Variants in PER2 observed in about 807,000 individuals in gnomAD.
PER2 encodes the protein period circadian regulator 2.
Under a neutral mutation model 121.0 loss-of-function variants are expected in PER2, and 66 were observed. The observed-to-expected ratio is 0.55, with a 90% CI of 0.45 to 0.67. The LOEUF (loss-of-function observed/expected upper bound fraction) is 0.67. PER2 is among the 30% of genes least tolerant of loss of function. PER2 has a pLI of 0.00. For missense variants in PER2, 1,521 were observed against 1,635.0 expected, an observed-to-expected ratio of 0.93 and a Z score of 1.20; for synonymous variants, 684 against 659.9, an observed-to-expected ratio of 1.04 and a Z score of -0.56.
At chr2:238,271,240 T>A (rs917846697) in intron 6 of PER2, 72 bp downstream of exon 6, 5 of 1,373,374 alleles carry the variant, frequency 3.6e-6, no homozygotes, top group Non-Finnish European at 5.2e-6. Context: ...CTGCACCACA[T>A]CTGGGTTGGG....
At chr2:238,271,244 G>T (rs1696273545) in intron 6 of PER2, 68 bp downstream of exon 6, 3 of 1,406,352 alleles carry the variant, frequency 2.1e-6, no homozygotes, top group South Asian at 1.2e-5. Context: ...ACCACATCTG[G>T]GTTGGGCCCA....
chr2:238,259,901 A>C, intron 14 of PER2, 68 bp downstream of exon 14: 19 of 749,672 alleles, frequency 2.5e-5, no homozygotes, highest in Non-Finnish European at 4.5e-5. Context: ...CATTTAACCC[A>C]GGTTCCCTCT....
intron 4 of PER2, among the ~76,000 whole-genome samples, 193 bp downstream of exon 4, chr2:238,275,550 G>T (rs1274534220): frequency 6.6e-6 from 1 of 152,194 alleles, no homozygotes; most frequent in Non-Finnish European, 1.5e-5. Flanking sequence ...TTAGCTGGGC[G>T]TGGTGGTACA....
chr2:238,291,803 C>T (rs538066565), upstream of PER2, among the ~76,000 whole-genome samples: 20 of 152,320 alleles, frequency 1.3e-4, no homozygotes, highest in African/African-American at 4.6e-4. Context: ...GCACCTGTGT[C>T]CAGGGTCTCA....
At chr2:238,281,218 G>A (rs562120760) in intron 1 of PER2, among the ~76,000 whole-genome samples, 98 of 152,224 alleles carry the variant, frequency 6.4e-4, no homozygotes, top group African/African-American at 2.1e-3. Flanking sequence ...TGGCCAGGAT[G>A]GTCTTGATCT....
chr2:238,275,549 C>G (rs759487667), intron 4 of PER2, among the ~76,000 whole-genome samples, 194 bp downstream of exon 4: 1 of 152,102 alleles, frequency 6.6e-6, no homozygotes. Context: ...ATTAGCTGGG[C>G]GTGGTGGTAC....
At chr2:238,249,299 G>C (rs1203833523) in intron 21 of PER2, 87 bp from the exon 22 acceptor site, 1 of 1,388,344 alleles carries the variant, frequency 7.2e-7, no homozygotes, top group African/African-American at 1.4e-5. Flanking sequence ...AGTTTTAGAT[G>C]ATTTTGTTTA....
rs1023045592 is a variant in PER2 at position 238,262,081 on chromosome 2, C to T, written c.1307+110G>A. ...AGATTGGTGGCAGGAAGCAAGGTTT[C>T]GGTCTTGGCCTCTCAGCCCCTCCCT... On this transcript the variant is annotated intron_variant, in intron 11 of 22. Coordinates refer to ENST00000254657, the MANE Select transcript of PER2 (RefSeq NM_022817.3). The T allele has an allele frequency of 4.9e-5, 55 of 1,113,372 alleles. No homozygotes were observed. The East Asian group carries it at 9.9e-4, about 20-fold the overall frequency. 69.0% of individuals were successfully genotyped at this position (1,113,372 alleles called of 1,614,324 possible).
At position 238,265,597 on chromosome 2, in the gene PER2, G is replaced by A. The variant is rs770039781; in HGVS notation, c.968-7C>T. 1.3e-6 allele frequency: 2 copies of A among 1,533,890 alleles called. No individual in the cohort carries two copies. The highest frequency in any genetic ancestry group is 1.1e-5 in the South Asian group (1 of 89,442). ...TCAGGAGGAATTCTAGGGGCTGAAA[G>A]AACAGAATATTGCACACATTTGTGA... On this transcript the variant is annotated splice_region_variant and splice_polypyrimidine_tract_variant and intron_variant, in intron 8 of 22. Coordinates refer to ENST00000254657, the MANE Select transcript of PER2 (RefSeq NM_022817.3).
intron 1 of PER2, among the ~76,000 whole-genome samples, chr2:238,286,466 G>A (rs1170049109): frequency 1.3e-5 from 2 of 152,066 alleles, no homozygotes; most frequent in African/African-American, 4.8e-5. Context: ...ATGTGTACAC[G>A]ATGAGCATAA....
At chr2:238,269,040 A>T in intron 6 of PER2, 66 bp from the exon 7 acceptor site, 2 of 1,253,936 alleles carry the variant, frequency 1.6e-6, no homozygotes, top group South Asian at 2.4e-5. Context: ...CTCATTTCTC[A>T]CAAACAAAAG....
At chr2:238,276,319 C>T (rs1195476416) in intron 3 of PER2, among the ~76,000 whole-genome samples, 1 of 152,258 alleles carries the variant, frequency 6.6e-6, no homozygotes, top group East Asian at 1.9e-4. Context: ...CCAGATGTTT[C>T]TCGCTGGGAG....
rs1696484609 is a variant in PER2, at chr2:238,277,279, G to A, written c.231-86C>T. 13 of 903,026 alleles carry A rather than the reference G, an allele frequency of 1.4e-5. No individual in the cohort carries two copies. The East Asian group carries it at 2.9e-4, about 20-fold the overall frequency. 55.9% of individuals were successfully genotyped at this position (903,026 alleles called of 1,614,324 possible). A position where few individuals can be genotyped will look rare whatever the true frequency, so the allele number is the denominator to read the frequency against. On this transcript the variant is annotated intron_variant, in intron 2 of 22. Coordinates refer to ENST00000254657, the MANE Select transcript of PER2 (RefSeq NM_022817.3). ...CCTGCCATCCTACCAGTGATAACAG[G>A]CTAGATAATACCATGGTAAGACAAT...
intron 18 of PER2, chr2:238,254,347 G>T: frequency 6.5e-6 from 1 of 154,362 alleles, no homozygotes. Flanking sequence ...GAGTGGGAGG[G>T]GGATCCAGGG....
intron 1 of PER2, among the ~76,000 whole-genome samples, chr2:238,282,964 T>A (rs1202242971): frequency 6.6e-6 from 1 of 151,786 alleles, no homozygotes; most frequent in East Asian, 1.9e-4. Context: ...CTTCAGCAGG[T>A]CTTTCTGGCT....
At chr2:238,246,728 T>C (rs1388070241) in intron 22 of PER2, among the ~76,000 whole-genome samples, 2 of 152,152 alleles carry the variant, frequency 1.3e-5, no homozygotes, top group African/African-American at 4.8e-5. Flanking sequence ...TACAAAAAAT[T>C]AGCTGGGCGT....
At chr2:238,266,314 G>T (rs1421732612) in intron 8 of PER2, among the ~76,000 whole-genome samples, 2 of 150,918 alleles carry the variant, frequency 1.3e-5, no homozygotes, top group African/African-American at 2.4e-5. Context: ...ATGAGACAGG[G>T]TCTCACTATG....
rs936826693 is a variant in PER2, at chr2:238,262,230, C to A, written c.1268G>T (p.Arg423Met). Reference protein sequence around the residue: ...SWSSFINPWSRKISFIIGRHK... With the variant: ...SWSSFINPWSMKISFIIGRHK... Reference sequence around the variant, plus strand: ...CCTCCCAATGATGAAGGAGATTTTCCTGCTCCATGGGTTGATGAAGCTGGA... The same window carrying A: ...CCTCCCAATGATGAAGGAGATTTTCATGCTCCATGGGTTGATGAAGCTGGA... The change falls in exon 11 of 23, where the codon AGG becomes ATG. Residue 423 changes from arginine (R) to methionine (M), a missense_variant. Transcript: ENST00000254657. 6.2e-7 allele frequency: 1 copy of A among 1,614,152 alleles called. No individual in the cohort carries two copies. The highest frequency in any genetic ancestry group is 1.7e-5 in the Admixed American group (1 of 60,012).
At chr2:238,273,557 G>A (rs141007115) in intron 4 of PER2, among the ~76,000 whole-genome samples, 115 of 151,348 alleles carry the variant, frequency 7.6e-4, no homozygotes, top group African/African-American at 2.6e-3. Context: ...GTGCAATGGC[G>A]CAATCTCGGC....
Sources: gnomAD v4.1 joint callset for allele counts (sites outside exome capture counted in the v4.1 genomes callset) on GRCh38, gnomAD v4.1.1 for gene constraint, MANE v1.5 for transcripts, NCBI Gene and HGNC (gene_info 2026-07-23, HGNC 2026-07-21) for gene names.